IRGM: variants seen among roughly 807,000 people sequenced by gnomAD.
IRGM encodes the protein immunity related GTPase M.
For synonymous variants in IRGM, 98 were observed against 80.6 expected (o/e 1.22, Z -1.16); for missense variants, 288 against 219.9 (o/e 1.31, Z -1.96).
intron 1 of IRGM, among the ~76,000 whole-genome samples, chr5:150,857,433 G>C (rs1337150105): frequency 6.6e-6 from 1 of 151,976 alleles, no homozygotes; most frequent in Non-Finnish European, 1.5e-5. Context: ...TATTCCTTTG[G>C]GTATATACCC....
intron 1 of IRGM, among the ~76,000 whole-genome samples, chr5:150,867,240 G>A (rs1467044982): frequency 1.3e-5 from 2 of 152,084 alleles, no homozygotes; most frequent in Non-Finnish European, 2.9e-5. Context: ...GAGAACATAC[G>A]ATATTTGGTT....
chr5:150,896,581 T>C, intron 3 of IRGM: 1 of 1,613,758 alleles, frequency 6.2e-7, no homozygotes, highest in Non-Finnish European at 8.5e-7. Context: ...CTAGATGATT[T>C]TCCACCTCCA....
intron 3 of IRGM, among the ~76,000 whole-genome samples, chr5:150,887,544 C>G (rs891868270): frequency 1.3e-5 from 2 of 151,674 alleles, no homozygotes; most frequent in African/African-American, 4.8e-5. Flanking sequence ...ACTTCCCCAA[C>G]CTTGCTAGTG....
At chr5:150,896,932 C>G in intron 3 of IRGM, 1 of 1,612,970 alleles carries the variant, frequency 6.2e-7, no homozygotes. Context: ...GAAACTGTCC[C>G]CAAAATACAT....
chr5:150,895,669 T>C (rs1274869854), intron 3 of IRGM: 1 of 1,613,368 alleles, frequency 6.2e-7, no homozygotes, highest in Middle Eastern at 1.7e-4. Flanking sequence ...CCACATTCAG[T>C]ACATATATAA....
chr5:150,854,932 AAC>A (rs1754030613), intron 1 of IRGM, among the ~76,000 whole-genome samples: 7 of 152,292 alleles, frequency 4.6e-5, no homozygotes, highest in Admixed American at 3.3e-4. Context: ...AATGAGTAAA[AAC>A]ACAATAATTT....
chr5:150,890,822 A>G (rs1209646941), intron 3 of IRGM, among the ~76,000 whole-genome samples: 1 of 152,070 alleles, frequency 6.6e-6, no homozygotes, highest in Non-Finnish European at 1.5e-5. Flanking sequence ...TTAAATTAGA[A>G]TCACATGAGA....
At chr5:150,862,882 C>T (rs1008134830) in intron 1 of IRGM, among the ~76,000 whole-genome samples, 5 of 152,162 alleles carry the variant, frequency 3.3e-5, no homozygotes, top group African/African-American at 1.2e-4. Flanking sequence ...AATGAACACA[C>T]CAGCCTCACT....
chr5:150,889,879 C>T (rs7709464), intron 3 of IRGM, among the ~76,000 whole-genome samples: 1 of 151,826 alleles, frequency 6.6e-6, no homozygotes, highest in Non-Finnish European at 1.5e-5. Flanking sequence ...TGAGAGAAAA[C>T]CTACTTGGGT....
chr5:150,855,661 T>C (rs1754038970), intron 1 of IRGM, among the ~76,000 whole-genome samples: 1 of 152,172 alleles, frequency 6.6e-6, no homozygotes, highest in East Asian at 1.9e-4. Context: ...CCACCTGTAG[T>C]TTGAGTTCAC....
intron 1 of IRGM, among the ~76,000 whole-genome samples, chr5:150,860,149 G>A (rs1282209410): frequency 3.3e-5 from 5 of 152,104 alleles, no homozygotes; most frequent in African/African-American, 4.8e-5. Context: ...CAATTTAAAC[G>A]TAAATTTATA....
intron 2 of IRGM, among the ~76,000 whole-genome samples, chr5:150,879,151 T>C (rs1399596010): frequency 6.6e-6 from 1 of 152,176 alleles, no homozygotes; most frequent in Non-Finnish European, 1.5e-5. Flanking sequence ...CAGTGTTAGA[T>C]GCATAAGAAA....
chr5:150,891,640 T>C (rs1229636502), intron 3 of IRGM, among the ~76,000 whole-genome samples: 1 of 152,104 alleles, frequency 6.6e-6, no homozygotes, highest in Non-Finnish European at 1.5e-5. Flanking sequence ...TGCCACTTCA[T>C]GTATAGTAAA....
intron 1 of IRGM, among the ~76,000 whole-genome samples, chr5:150,859,098 C>T (rs1754099289): frequency 6.6e-6 from 1 of 152,136 alleles, no homozygotes; most frequent in South Asian, 2.1e-4. Flanking sequence ...TGAGATACGT[C>T]CCATCAATAC....
chr5:150,869,407 C>A lies in IRGM; in HGVS notation c.159-8573C>A, dbSNP rs117245140. 1.9e-3 allele frequency among the ~76,000 whole-genome samples: 289 copies of A among 152,142 alleles called. 7 individuals carry two copies. The East Asian group carries it at 0.048, about 25-fold the overall frequency. ...AGTATTTTGTTGAGGATTTTTGTATCTATGTTCATCGGGGATATTGATCTG... is the reference window on the plus strand; with the variant it reads ...AGTATTTTGTTGAGGATTTTTGTATATATGTTCATCGGGGATATTGATCTG... On this transcript the variant is annotated intron_variant and NMD_transcript_variant, in intron 1 of 3. Coordinates refer to the IRGM transcript ENST00000520549.
chr5:150,881,999 T>C (rs1013503812), intron 3 of IRGM, among the ~76,000 whole-genome samples: 3 of 151,974 alleles, frequency 2.0e-5, no homozygotes, highest in Non-Finnish European at 4.4e-5. Context: ...CTGAGAAACA[T>C]AATGAAGCAC....
At chr5:150,862,083 A>G (rs1754144820) in intron 1 of IRGM, among the ~76,000 whole-genome samples, 1 of 152,240 alleles carries the variant, frequency 6.6e-6, no homozygotes, top group Non-Finnish European at 1.5e-5. Flanking sequence ...TCAAGTGGAA[A>G]AGGATCTGCT....
At chr5:150,888,609 C>T (rs1754559991) in intron 3 of IRGM, among the ~76,000 whole-genome samples, 1 of 151,552 alleles carries the variant, frequency 6.6e-6, no homozygotes, top group Non-Finnish European at 1.5e-5. Flanking sequence ...ACCAAACACA[C>T]TCTCAGACCA....
At chr5:150,878,494 C>G (rs933464332) in intron 2 of IRGM, among the ~76,000 whole-genome samples, 3 of 152,068 alleles carry the variant, frequency 2.0e-5, no homozygotes, top group African/African-American at 7.2e-5. Flanking sequence ...CTCCTCTCTC[C>G]TCATCTTCCC....
Sources: gnomAD v4.1 joint callset for allele counts (sites outside exome capture counted in the v4.1 genomes callset) on GRCh38, gnomAD v4.1.1 for gene constraint, MANE v1.5 for transcripts, NCBI Gene and HGNC (gene_info 2026-07-23, HGNC 2026-07-21) for gene names.